The following ELOVL6 variants were observed in gnomAD, a reference collection of about 807,000 sequenced individuals.
The protein encoded by ELOVL6 is ELOVL fatty acid elongase 6.
In ELOVL6, 8 loss-of-function variants were observed where a neutral mutation model predicts 31.7. That is an observed-to-expected ratio of 0.25 (90% CI 0.15 to 0.45). The LOEUF is 0.45. Ranked by LOEUF, ELOVL6 falls within the 20% of genes least tolerant of loss-of-function variation. ELOVL6 has a pLI of 1.00. For missense variants in ELOVL6, 126 were observed against 326.4 expected (o/e 0.39, Z 4.73); for synonymous variants, 101 against 117.7 (o/e 0.86, Z 0.92).
intron 1 of ELOVL6, among the ~76,000 whole-genome samples, chr4:110,114,558 A>AG (rs1757124129): frequency 6.6e-6 from 1 of 152,172 alleles, no homozygotes; most frequent in Non-Finnish European, 1.5e-5. Flanking sequence ...CATATGGTAC[A>AG]GCTGGGCTTC....
At chr4:110,169,326 C>T (rs548978242) in intron 1 of ELOVL6, among the ~76,000 whole-genome samples, 2 of 149,802 alleles carry the variant, frequency 1.3e-5, no homozygotes, top group South Asian at 4.3e-4. Flanking sequence ...GCAATCTCTA[C>T]CTCCTGGGTT....
intron 2 of ELOVL6, among the ~76,000 whole-genome samples, chr4:110,075,271 A>T (rs2126228773): frequency 6.6e-6 from 1 of 152,360 alleles, no homozygotes; most frequent in African/African-American, 2.4e-5. Flanking sequence ...CTGGGTGTGT[A>T]TTCAAAAGAA....
intron 2 of ELOVL6, among the ~76,000 whole-genome samples, chr4:110,095,448 T>TCTGGTGA (rs1207697480): frequency 6.7e-6 from 1 of 149,628 alleles, no homozygotes; most frequent in Non-Finnish European, 1.5e-5. Context: ...CACCACTGCA[T>TCTGGTGA]TCCAGCCTGG....
chr4:110,197,889 T>C (rs1254889365), intron 1 of ELOVL6: 1 of 293,802 alleles, frequency 3.4e-6, no homozygotes, highest in East Asian at 9.0e-5. Context: ...CAAATCTAGA[T>C]GAAAACCGGG....
intron 1 of ELOVL6, among the ~76,000 whole-genome samples, chr4:110,120,946 G>A (rs183028506): frequency 5.3e-4 from 81 of 152,022 alleles, no homozygotes; most frequent in African/African-American, 1.8e-3. Context: ...GATTACAGGC[G>A]CCTGCCACCA....
chr4:110,142,163 T>TTAAAAA (rs1757985237), intron 1 of ELOVL6, among the ~76,000 whole-genome samples: 3 of 148,422 alleles, frequency 2.0e-5, no homozygotes, highest in African/African-American at 7.5e-5. Context: ...CTCCACCTCC[T>TTAAAAA]GGGATCACAC....
chr4:110,105,269 T>C (rs28612714), intron 2 of ELOVL6, among the ~76,000 whole-genome samples: 2,008 of 152,250 alleles, frequency 0.013, 48 homozygotes, highest in African/African-American at 0.047. Flanking sequence ...GCATGACCAA[T>C]TTGGACAGGA....
rs1369454010 is a variant in ELOVL6 at position 110,176,020 on chromosome 4, T to C, written c.89+22227A>G. ...AAGTTTGTATCTAGAGCTCTCCTCA[T>C]TGGCATAGTGGTGAGTTAAAAAAAA... On this transcript the variant is annotated intron_variant, in intron 1 of 3. Transcript: ENST00000302274. Among the ~76,000 whole-genome samples, 27 of 144,942 alleles carry C rather than the reference T, an allele frequency of 1.9e-4. No homozygotes were observed. In the East Asian group the frequency reaches 4.6e-3, roughly 25 times the overall value.
At chr4:110,059,777 A>G (rs1359088209) in intron 2 of ELOVL6, 23 bp from the exon 3 acceptor site, 1 of 1,593,344 alleles carries the variant, frequency 6.3e-7, no homozygotes, top group South Asian at 1.1e-5. Context: ...AAGAGAAAAG[A>G]AACAGCATTT....
chr4:110,164,228 C>T (rs912479874), intron 1 of ELOVL6, among the ~76,000 whole-genome samples: 5 of 152,174 alleles, frequency 3.3e-5, no homozygotes, highest in Admixed American at 1.3e-4. Context: ...TCAAGTTCAC[C>T]AAGTCATTAA....
At chr4:110,064,241 G>T (rs1429160139) in intron 2 of ELOVL6, among the ~76,000 whole-genome samples, 1 of 150,706 alleles carries the variant, frequency 6.6e-6, no homozygotes. Context: ...GCAAGGCGAT[G>T]AGGAGGTGGG....
Position 110,072,242 on chromosome 4 carries a change from C to T in ELOVL6, c.222-12488G>A, listed in dbSNP as rs974192499. 3.3e-5 allele frequency among the ~76,000 whole-genome samples: 5 copies of T among 152,294 alleles called. No individual in the cohort carries two copies. The East Asian group carries it at 7.7e-4, about 24-fold the overall frequency. ...CCTGTAATCCCAGCACTTTGGGAGG[C>T]CGAGGCGTGTGGATCATGAGGTCAA... On this transcript the variant is annotated intron_variant, in intron 2 of 3. Transcript: ENST00000302274.
At chr4:110,095,077 G>A (rs1756540220) in intron 2 of ELOVL6, among the ~76,000 whole-genome samples, 2 of 152,192 alleles carry the variant, frequency 1.3e-5, no homozygotes, top group South Asian at 4.1e-4. Flanking sequence ...GAAATGATCA[G>A]ATAAGCCATT....
rs1754818028 is a variant in ELOVL6 at position 110,050,779 on chromosome 4, G to A, written c.*559C>T. ...GGATGATTAAGACATCTTTTCTCAT[G>A]GGGTCTACAGCAGCTGGCATTTCTT... On this transcript the variant is annotated 3_prime_UTR_variant, in exon 4 of 4. Transcript: ENST00000302274. The A allele has an allele frequency of 6.5e-6, 1 of 153,740 alleles. No homozygotes were observed. The highest frequency in any genetic ancestry group is 1.5e-5 in the Non-Finnish European group (1 of 68,926). The allele number at this position is 153,740 out of a possible 1,614,324, so 9.5% of individuals were successfully genotyped here.
intron 1 of ELOVL6, among the ~76,000 whole-genome samples, chr4:110,147,560 A>G (rs1225878399): frequency 1.3e-5 from 2 of 152,194 alleles, no homozygotes; most frequent in Non-Finnish European, 2.9e-5. Flanking sequence ...AGAATTTACA[A>G]GGAACTCAAA....
chr4:110,071,865 A>C (rs185856241), intron 2 of ELOVL6, among the ~76,000 whole-genome samples: 1 of 152,382 alleles, frequency 6.6e-6, no homozygotes, highest in East Asian at 1.9e-4. Flanking sequence ...AGGGATATAC[A>C]GACCTCCAGG....
intron 1 of ELOVL6, among the ~76,000 whole-genome samples, chr4:110,181,379 T>C (rs1759267070): frequency 6.6e-6 from 1 of 151,780 alleles, no homozygotes; most frequent in South Asian, 2.1e-4. Flanking sequence ...GCCCGGGAGG[T>C]TGAGGCTGCA....
Position 110,051,899 on chromosome 4 carries a change from T to A in ELOVL6, c.374-137A>T. 1 of 684,034 alleles carries A rather than the reference T, an allele frequency of 1.5e-6. No homozygotes were observed. Among genetic ancestry groups the A allele is most frequent in the East Asian group, 2.7e-5 (1 of 36,750 alleles). 42.4% of individuals were successfully genotyped at this position (684,034 alleles called of 1,614,324 possible). On this transcript the variant is annotated intron_variant, in intron 3 of 3. Coordinates refer to ENST00000302274, the MANE Select transcript of ELOVL6 (RefSeq NM_024090.3). This position sits in a 1 kb window ranked among gnomAD's most constrained non-coding sequence, Gnocchi z 4.8. ...CTGGATTAGAACCCTGAACTGGTAC[T>A]TACTAGCTCTGTGACCCTGGACAAG...
chr4:110,078,321 G>T lies in ELOVL6; in HGVS notation c.222-18567C>A, dbSNP rs192336168. Reference sequence around the variant, plus strand: ...CCAAAGTTGACATGAAGGAAAAAATGTTAAGGGCAGCCAGAGAGAAAGGTT... The same window carrying T: ...CCAAAGTTGACATGAAGGAAAAAATTTTAAGGGCAGCCAGAGAGAAAGGTT... On this transcript the variant is annotated intron_variant, in intron 2 of 3. Transcript: ENST00000302274. Among the ~76,000 whole-genome samples the T allele has an allele frequency of 2.8e-3, 426 of 152,308 alleles. 3 individuals are homozygous for T. The highest frequency in any genetic ancestry group is 8.7e-3 in the African/African-American group (362 of 41,568).
Sources: gnomAD v4.1 joint callset for allele counts (sites outside exome capture counted in the v4.1 genomes callset) on GRCh38, gnomAD v4.1.1 for gene constraint, Gnocchi (gnomAD v3.1) non-coding constraint, MANE v1.5 for transcripts, NCBI Gene and HGNC (gene_info 2026-07-23, HGNC 2026-07-21) for gene names.